Variants in SRPK1 observed in about 807,000 individuals in gnomAD.
SRPK1 encodes the protein SRSF protein kinase 1, also known as SFRS protein kinase 1.
In SRPK1, 52 loss-of-function variants were observed where a neutral mutation model predicts 89.5. That is an observed-to-expected ratio of 0.58 (90% CI 0.46 to 0.73). The LOEUF is 0.73. Ranked by LOEUF, SRPK1 falls within the 30% of genes least tolerant of loss-of-function variation. The probability of loss-of-function intolerance (pLI) is 0.00; values close to 1 mark genes in which losing one functional copy is unlikely to be tolerated. For missense variants in SRPK1, 603 were observed against 780.6 expected (o/e 0.77, Z 2.71); for synonymous variants, 255 against 270.2 (o/e 0.94, Z 0.55).
At chr6:35,886,867 A>G (rs1323509369) in intron 5 of SRPK1, 56 bp from the exon 6 acceptor site, 14 of 963,930 alleles carry the variant, frequency 1.5e-5, no homozygotes, top group South Asian at 1.1e-4. Context: ...AATAAACCAG[A>G]TGGTAGGGGA....
Position 35,857,364 on chromosome 6 carries a change from T to C in SRPK1, c.1517A>G (p.Lys506Arg), listed in dbSNP as rs61731461. Residue 506 changes from lysine (K) to arginine (R), a missense_variant, in exon 13 of 16, where the codon AAA becomes AGA. Physicochemically the swap from Lys to Arg is conservative, Grantham distance 26. Coordinates refer to ENST00000373825, the MANE Select transcript of SRPK1 (RefSeq NM_003137.5). ...ADLGNACWVH[K>R]HFTEDIQTRQ... ...TGTTTGAATATCTTCAGTGAAATGTTTGTGCTGAGAAAATGAAGGAAACAA... is the reference window on the plus strand; with the variant it reads ...TGTTTGAATATCTTCAGTGAAATGTCTGTGCTGAGAAAATGAAGGAAACAA... 131 of 1,606,136 alleles carry C rather than the reference T, an allele frequency of 8.2e-5. No individual in the cohort carries two copies. The African/African-American group carries it at 1.3e-3, about 17-fold the overall frequency.
At chr6:35,920,399 C>T (rs769567708) in intron 2 of SRPK1, 69 bp downstream of exon 2, 1 of 1,571,200 alleles carries the variant, frequency 6.4e-7, no homozygotes, top group Non-Finnish European at 8.7e-7. Flanking sequence ...ACGTTCAAGA[C>T]GTGAAACCAG....
intron 2 of SRPK1, among the ~76,000 whole-genome samples, chr6:35,910,982 A>G (rs1038056382): frequency 6.6e-6 from 1 of 152,252 alleles, no homozygotes; most frequent in African/African-American, 2.4e-5. Context: ...ATGGGAATGT[A>G]CAAAGAGATT....
chr6:35,842,270 A>G (rs1286838211), intron 14 of SRPK1, among the ~76,000 whole-genome samples: 4 of 152,198 alleles, frequency 2.6e-5, no homozygotes. Context: ...AGAAAGGAAG[A>G]TAACTAGATG....
At position 35,867,582 on chromosome 6, in the gene SRPK1, G is replaced by A. The variant is rs547454592; in HGVS notation, c.1512+1428C>T. Reference sequence around the variant, plus strand: ...TGTAGTCCCAACACTTTGGGAGGCCGAGACGGGCAGATCACTTGAGGTCCG... The same window carrying A: ...TGTAGTCCCAACACTTTGGGAGGCCAAGACGGGCAGATCACTTGAGGTCCG... On this transcript the variant is annotated intron_variant, in intron 12 of 15. Transcript: ENST00000373825. 3.3e-4 allele frequency among the ~76,000 whole-genome samples: 50 copies of A among 152,266 alleles called. No homozygotes were observed. The South Asian group carries it at 4.1e-3, about 13-fold the overall frequency.
At chr6:35,859,941 C>T (rs2151085232) in intron 12 of SRPK1, among the ~76,000 whole-genome samples, 1 of 151,852 alleles carries the variant, frequency 6.6e-6, no homozygotes, top group East Asian at 1.9e-4. Flanking sequence ...TCACTGCAAG[C>T]TCTGCCTCCT....
intron 7 of SRPK1, among the ~76,000 whole-genome samples, chr6:35,873,894 T>G (rs1484284992): frequency 6.6e-6 from 1 of 151,508 alleles, no homozygotes; most frequent in African/African-American, 2.4e-5. Flanking sequence ...TGGTGTGATC[T>G]CGGCTCACCG....
At chr6:35,862,582 A>G (rs1175224236) in intron 12 of SRPK1, among the ~76,000 whole-genome samples, 1 of 152,250 alleles carries the variant, frequency 6.6e-6, no homozygotes, top group Admixed American at 6.5e-5. Flanking sequence ...AAATGTGCAG[A>G]TATCAACGGA....
intron 12 of SRPK1, among the ~76,000 whole-genome samples, chr6:35,859,788 G>A (rs1364362714): frequency 6.6e-6 from 1 of 152,106 alleles, no homozygotes; most frequent in Non-Finnish European, 1.5e-5. Context: ...GTTCACCGCT[G>A]TGTCCTAATG....
intron 12 of SRPK1, among the ~76,000 whole-genome samples, chr6:35,865,445 A>G (rs1340279886): frequency 6.6e-6 from 1 of 152,182 alleles, no homozygotes; most frequent in Non-Finnish European, 1.5e-5. Context: ...TACAAAAAAC[A>G]ATTCTAAAAT....
At chr6:35,916,225 CAAAT>C (rs34486563) in intron 2 of SRPK1, among the ~76,000 whole-genome samples, 116 of 143,174 alleles carry the variant, frequency 8.1e-4, no homozygotes, top group African/African-American at 2.0e-3. Context: ...GACTCTGCCT[CAAAT>C]AAATAAATAA....
chr6:35,898,484 T>C (rs1770670541), intron 2 of SRPK1, among the ~76,000 whole-genome samples: 1 of 152,214 alleles, frequency 6.6e-6, no homozygotes, highest in Non-Finnish European at 1.5e-5. Flanking sequence ...AAGAACTCAT[T>C]CATGTAATAA....
chr6:35,919,734 A>G (rs1054530855), intron 2 of SRPK1, among the ~76,000 whole-genome samples: 20 of 152,208 alleles, frequency 1.3e-4, no homozygotes, highest in African/African-American at 4.8e-4. Context: ...TATGCATCCT[A>G]CTGATAAAAC....
intron 12 of SRPK1, among the ~76,000 whole-genome samples, chr6:35,867,120 C>T (rs1769922468): frequency 6.6e-6 from 1 of 151,960 alleles, no homozygotes; most frequent in Admixed American, 6.6e-5. Context: ...AATATATCAA[C>T]CTAGCAAAAC....
In SRPK1 at chr6:35,850,757, C is replaced by T. The variant is rs777388278; in HGVS notation, c.1620+6504G>A. Reference sequence around the variant, plus strand: ...AGAAAGCAAACAACAACAAAAAAAACCCCATGTATCTCAGGGAGTGACAAG... The same window carrying T: ...AGAAAGCAAACAACAACAAAAAAAATCCCATGTATCTCAGGGAGTGACAAG... On this transcript the variant is annotated intron_variant, in intron 13 of 15. Coordinates refer to ENST00000373825, the MANE Select transcript of SRPK1 (RefSeq NM_003137.5). 3.9e-5 allele frequency among the ~76,000 whole-genome samples: 6 copies of T among 152,000 alleles called. 1 individual carries two copies. The highest frequency in any genetic ancestry group is 6.3e-3 in the Middle Eastern group (2 of 316).
At chr6:35,896,962 A>C (rs1395589565) in intron 2 of SRPK1, among the ~76,000 whole-genome samples, 5 of 152,222 alleles carry the variant, frequency 3.3e-5, no homozygotes, top group Non-Finnish European at 1.5e-5. Flanking sequence ...GTTACAAAAG[A>C]CCACATAATC....
At chr6:35,914,473 C>T (rs1306966721) in intron 2 of SRPK1, among the ~76,000 whole-genome samples, 2 of 152,174 alleles carry the variant, frequency 1.3e-5, no homozygotes, top group Non-Finnish European at 2.9e-5. Flanking sequence ...ACTGCTTTGC[C>T]TAGAGCAGTC....
intron 12 of SRPK1, among the ~76,000 whole-genome samples, chr6:35,862,052 C>T (rs1561975005): frequency 2.0e-5 from 3 of 152,096 alleles, no homozygotes. Context: ...TAGGGACTAG[C>T]CCCCTCCGAC....
At chr6:35,856,293 C>T (rs759008048) in intron 13 of SRPK1, among the ~76,000 whole-genome samples, 19 of 151,792 alleles carry the variant, frequency 1.3e-4, no homozygotes, top group Non-Finnish European at 2.6e-4. Flanking sequence ...AGAAGCTTCA[C>T]ATTTAGTACG....
Sources: gnomAD v4.1 joint callset for allele counts (sites outside exome capture counted in the v4.1 genomes callset) on GRCh38, gnomAD v4.1.1 for gene constraint, MANE v1.5 for transcripts, NCBI Gene and HGNC (gene_info 2026-07-23, HGNC 2026-07-21) for gene names.